RGPD4: variants seen among roughly 807,000 people sequenced by gnomAD.
The protein encoded by RGPD4 is ranBP2-like and GRIP domain-containing protein 4.
In RGPD4, 84 loss-of-function variants were observed where a neutral mutation model predicts 141.1. The observed-to-expected ratio is 0.60, with a 90% CI of 0.50 to 0.71. The LOEUF (loss-of-function observed/expected upper bound fraction) is 0.71. RGPD4 is among the 30% of genes least tolerant of loss of function. The pLI is 0.00. For synonymous variants in RGPD4, 298 were observed against 566.8 expected (o/e 0.53, Z 6.74); for missense variants, 918 against 1,622.4 (o/e 0.57, Z 7.46).
Position 107,870,858 on chromosome 2 carries a change from A to G in RGPD4, c.2854A>G (p.Ile952Val), listed in dbSNP as rs1470254715. 1 of 1,610,714 alleles carries G rather than the reference A, an allele frequency of 6.2e-7. No homozygotes were observed. The highest frequency in any genetic ancestry group is 1.7e-5 in the Admixed American group (1 of 59,876). ...TGATACTGGCTTCCAGGCTCAGGATATTAGTGGCCAGAAGAATGGCCGTGG... is the reference window on the plus strand; with the variant it reads ...TGATACTGGCTTCCAGGCTCAGGATGTTAGTGGCCAGAAGAATGGCCGTGG... ...ENDTGFQAQD[I>V]SGQKNGRGVI... is the part of the protein sequence containing the mutation. Residue 952 changes from isoleucine (I) to valine (V), a missense_variant, in exon 20 of 23, where the codon ATT becomes GTT. Coordinates refer to ENST00000408999, the MANE Select transcript of RGPD4 (RefSeq NM_182588.3).
At chr2:107,859,613 AATCCTCATGTG>A (rs2104459295) in intron 11 of RGPD4, 59 bp downstream of exon 11, 1 of 1,611,622 alleles carries the variant, frequency 6.2e-7, no homozygotes, top group South Asian at 1.1e-5. Context: ...CCAGGGATTT[AATCCTCATGTG>A]AAGATTTAAT....
chr2:107,886,307 A>G lies in RGPD4; in HGVS notation c.5266+3434A>G, dbSNP rs1249145158. Among the ~76,000 whole-genome samples the G allele has an allele frequency of 2.2e-4, 27 of 124,466 alleles. 1 individual carries two copies. The highest frequency in any genetic ancestry group is 1.2e-3 in the Admixed American group (15 of 12,160). The allele number at this position is 124,466 out of a possible 152,430, so 81.7% of individuals were successfully genotyped here. On this transcript the variant is annotated intron_variant, in intron 22 of 22. Transcript: ENST00000408999. ...AAATCTCAAGCAGTATTAAAAAAAAAAAGAAGAAATCTACTTCTAGTCACA... is the reference window on the plus strand; with the variant it reads ...AAATCTCAAGCAGTATTAAAAAAAAGAAGAAGAAATCTACTTCTAGTCACA...
At position 107,860,113 on chromosome 2, in the gene RGPD4, T is replaced by TA. The variant is rs1206794686; in HGVS notation, c.1758+277dup. 4.0e-4 allele frequency among the ~76,000 whole-genome samples: 19 copies of TA among 47,590 alleles called. 4 individuals are homozygous for TA. Among genetic ancestry groups the TA allele is most frequent in the East Asian group, 1.0e-3 (4 of 4,016 alleles). The allele number at this position is 47,590 out of a possible 152,430, so 31.2% of individuals were successfully genotyped here. A position where few individuals can be genotyped will look rare whatever the true frequency, so the allele number is the denominator to read the frequency against. ...TCTGATAATTATTTAGCCTGAAAATTAAAAAAAAATTAGCACAAGGCTTTG... is the reference window on the plus strand; with the variant it reads ...TCTGATAATTATTTAGCCTGAAAATTAAAAAAAAAATTAGCACAAGGCTTTG... On this transcript the variant is annotated intron_variant, in intron 12 of 22. Coordinates refer to ENST00000408999, the MANE Select transcript of RGPD4 (RefSeq NM_182588.3).
intron 22 of RGPD4, among the ~76,000 whole-genome samples, chr2:107,887,233 G>A (rs1058036): frequency 1.3e-5 from 2 of 150,444 alleles, no homozygotes; most frequent in Non-Finnish European, 1.5e-5. Context: ...TTCAGCCTGG[G>A]CAACAGAGTA....
intron 8 of RGPD4, among the ~76,000 whole-genome samples, chr2:107,856,094 C>A (rs1188939508): frequency 1.5e-5 from 2 of 134,894 alleles, no homozygotes; most frequent in Admixed American, 7.3e-5. Flanking sequence ...TACTCTGTCG[C>A]CCGGGCTGGA....
chr2:107,863,728 G>A (rs1682636795), intron 17 of RGPD4, among the ~76,000 whole-genome samples: 1 of 151,766 alleles, frequency 6.6e-6, no homozygotes, highest in South Asian at 2.1e-4. Flanking sequence ...TCTGACCTCA[G>A]GCGATCTGCC....
At chr2:107,847,561 G>A (rs1166803593) in intron 6 of RGPD4, among the ~76,000 whole-genome samples, 1 of 62,102 alleles carries the variant, frequency 1.6e-5, no homozygotes. Flanking sequence ...AGTGGCTCAT[G>A]CCTGTAATCC....
intron 1 of RGPD4, among the ~76,000 whole-genome samples, chr2:107,834,009 AAC>A (rs1491083122): frequency 0.016 from 1,261 of 78,288 alleles, 21 homozygotes; most frequent in African/African-American, 0.062. Flanking sequence ...CCATCTCAAA[AAC>A]AAAAAAAGGA....
intron 6 of RGPD4, among the ~76,000 whole-genome samples, chr2:107,846,840 T>G: frequency 6.6e-6 from 1 of 151,522 alleles, no homozygotes; most frequent in East Asian, 1.9e-4. Context: ...GTCATTGTTT[T>G]TGCATTTTTG....
chr2:107,884,112 T>C lies in RGPD4; in HGVS notation c.5266+1239T>C, dbSNP rs1298875104. Reference sequence around the variant, plus strand: ...TGTTCCTTAAGCTTTATTTTGTTGTTGTGTTTTTGTTTGTTTGAGATGTAG... The same window carrying C: ...TGTTCCTTAAGCTTTATTTTGTTGTCGTGTTTTTGTTTGTTTGAGATGTAG... On this transcript the variant is annotated intron_variant, in intron 22 of 22. Coordinates refer to ENST00000408999, the MANE Select transcript of RGPD4 (RefSeq NM_182588.3). 1.5e-4 allele frequency among the ~76,000 whole-genome samples: 22 copies of C among 151,724 alleles called. No homozygotes were observed. In the South Asian group the frequency reaches 1.9e-3, roughly 13 times the overall value.
intron 17 of RGPD4, among the ~76,000 whole-genome samples, chr2:107,863,669 T>G (rs1236217931): frequency 1.3e-5 from 2 of 151,696 alleles, no homozygotes; most frequent in East Asian, 1.9e-4. Flanking sequence ...ATTTTTGTAT[T>G]TTTAGTAGAC....
At chr2:107,887,358 C>G (rs1896273) in intron 22 of RGPD4, among the ~76,000 whole-genome samples, 1 of 152,164 alleles carries the variant, frequency 6.6e-6, no homozygotes, top group Middle Eastern at 3.2e-3. Context: ...TATTTCTTGA[C>G]ACTCTACATA....
At chr2:107,827,117 G>C (rs572895000) in intron 1 of RGPD4, 32 bp downstream of exon 1, 15 of 1,566,746 alleles carry the variant, frequency 9.6e-6, no homozygotes, top group East Asian at 2.4e-5. Flanking sequence ...CGACGGCCTC[G>C]ACCTGGCCGG....
intron 22 of RGPD4, among the ~76,000 whole-genome samples, chr2:107,889,112 G>C (rs1675582792): frequency 6.6e-6 from 1 of 150,402 alleles, no homozygotes; most frequent in South Asian, 2.1e-4. Flanking sequence ...AGGTCAAACT[G>C]TCATACATAT....
chr2:107,871,789 G>T lies in RGPD4; in HGVS notation c.3785G>T (p.Ser1262Ile). 5.6e-6 allele frequency: 9 copies of T among 1,611,530 alleles called. No homozygotes were observed. The highest frequency in any genetic ancestry group is 7.6e-6 in the Non-Finnish European group (9 of 1,179,854). ...CDLREDALDD[S>I]VSSSSVHASP... ...TTAAGGGAAGATGCTTTGGATGATA[G>T]TGTCAGTAGTAGCTCAGTACATGCT... The change falls in exon 20 of 23, where the codon AGT becomes ATT. Residue 1262 changes from serine to isoleucine, a missense_variant. Physicochemically the swap from Ser to Ile is moderately radical, Grantham distance 142 (BLOSUM62 -2). Coordinates refer to ENST00000408999, the MANE Select transcript of RGPD4 (RefSeq NM_182588.3).
intron 1 of RGPD4, among the ~76,000 whole-genome samples, chr2:107,833,750 G>A (rs888979811): frequency 1.1e-4 from 17 of 151,926 alleles, no homozygotes; most frequent in Middle Eastern, 3.2e-3. Flanking sequence ...TTTGAAAAGG[G>A]GGAACTGGCC....
chr2:107,871,275 G>C lies in RGPD4; in HGVS notation c.3271G>C (p.Glu1091Gln). ...GLGNLKILKN[E>Q]VNGKPRMLMR... is the part of the protein sequence containing the mutation. ...GGGGAACTTAAAAATTCTCAAAAACGAGGTCAATGGCAAACCAAGAATGCT... is the reference window on the plus strand; with the variant it reads ...GGGGAACTTAAAAATTCTCAAAAACCAGGTCAATGGCAAACCAAGAATGCT... Residue 1091 changes from glutamate (E) to glutamine (Q), a missense_variant, in exon 20 of 23, where the codon GAG becomes CAG. Coordinates refer to ENST00000408999, the MANE Select transcript of RGPD4 (RefSeq NM_182588.3). The C allele has an allele frequency of 1.2e-6, 2 of 1,607,632 alleles. No homozygotes were observed. Among genetic ancestry groups the C allele is most frequent in the Non-Finnish European group, 1.7e-6 (2 of 1,179,362 alleles).
At chr2:107,829,316 CCGA>C (rs1681371868) in intron 1 of RGPD4, among the ~76,000 whole-genome samples, 1 of 40,774 alleles carries the variant, frequency 2.5e-5, no homozygotes, top group Non-Finnish European at 5.6e-5. Context: ...GTCATGGCTC[CCGA>C]TGGGCGCTGC....
chr2:107,883,441 C>G, intron 22 of RGPD4, among the ~76,000 whole-genome samples: 1 of 151,288 alleles, frequency 6.6e-6, no homozygotes, highest in South Asian at 2.1e-4. Flanking sequence ...ACCATCCTGG[C>G]CAACATGGTG....
Sources: gnomAD v4.1 joint callset for allele counts (sites outside exome capture counted in the v4.1 genomes callset) on GRCh38, gnomAD v4.1.1 for gene constraint, MANE v1.5 for transcripts, NCBI Gene and HGNC (gene_info 2026-07-23, HGNC 2026-07-21) for gene names.